KCNK1: variants seen among roughly 807,000 people sequenced by gnomAD.
KCNK1 encodes the protein potassium two pore domain channel subfamily K member 1, also known as potassium channel subfamily K member 1.
A neutral mutation model predicts 22.2 loss-of-function variants in KCNK1; 10 were observed. That is an observed-to-expected ratio of 0.45 (90% CI 0.28 to 0.76). KCNK1 has a LOEUF of 0.76. Among genes scored for constraint, KCNK1 ranks in the 30% least tolerant of loss-of-function variants. The pLI is 0.14. For synonymous variants in KCNK1, 200 were observed against 186.4 expected (o/e 1.07, Z -0.60); for missense variants, 378 against 421.0 (o/e 0.90, Z 0.89).
chr1:233,621,436 A>G (rs1038101975), intron 1 of KCNK1, among the ~76,000 whole-genome samples: 1 of 152,234 alleles, frequency 6.6e-6, no homozygotes, highest in African/African-American at 2.4e-5. Flanking sequence ...AACCCATACA[A>G]ATAGTGGAGG....
rs955630415 is a variant in KCNK1, at chr1:233,672,483, C to G, written c.*953C>G. On this transcript the variant is annotated 3_prime_UTR_variant, in exon 3 of 3. Transcript: ENST00000366621. The stretch of plus-strand genomic sequence containing the variant: ...AATCTGAGAATTTTAAATTTAGAAG[C>G]TAAAATAAATAAAAATCACAGCTGG... The G allele has an allele frequency of 6.7e-6, 1 of 150,014 alleles. No individual in the cohort carries two copies. Among genetic ancestry groups the G allele is most frequent in the Non-Finnish European group, 1.5e-5 (1 of 67,600 alleles). 9.3% of individuals were successfully genotyped at this position (150,014 alleles called of 1,614,324 possible). A position where few individuals can be genotyped will look rare whatever the true frequency, so the allele number is the denominator to read the frequency against.
At chr1:233,648,470 AT>A (rs963926567) in intron 1 of KCNK1, among the ~76,000 whole-genome samples, 4 of 149,740 alleles carry the variant, frequency 2.7e-5, no homozygotes, top group Non-Finnish European at 3.0e-5. Context: ...ATGTCAGTAC[AT>A]TTTTTTTTTA....
chr1:233,625,119 A>T (rs61824272), intron 1 of KCNK1, among the ~76,000 whole-genome samples: 5,347 of 152,368 alleles, frequency 0.035, 115 homozygotes, highest in Non-Finnish European at 0.047. Flanking sequence ...AGGGGAAACC[A>T]TTCACTTTTA....
At chr1:233,668,826 C>T (rs934416085) in intron 2 of KCNK1, among the ~76,000 whole-genome samples, 39 of 152,166 alleles carry the variant, frequency 2.6e-4, no homozygotes, top group African/African-American at 9.2e-4. Flanking sequence ...AGGCTAGTCA[C>T]GAACTCCTGA....
At chr1:233,622,860 C>G (rs1344233530) in intron 1 of KCNK1, among the ~76,000 whole-genome samples, 4 of 152,090 alleles carry the variant, frequency 2.6e-5, no homozygotes, top group Non-Finnish European at 4.4e-5. Context: ...AATTTGCTAC[C>G]GTCTGCTTGA....
In KCNK1 at chr1:233,614,353, G is replaced by T. The variant is rs1180402757; in HGVS notation, c.182G>T (p.Arg61Leu). The change falls in exon 1 of 3, where the codon CGA (arginine) becomes CTA (leucine). Residue 61 changes from arginine to leucine, a missense_variant. Transcript: ENST00000366621. ...LLRQELRKLKRRFLEEHECLS... is the reference protein window; with the variant it reads ...LLRQELRKLKLRFLEEHECLS... The stretch of plus-strand genomic sequence containing the variant: ...CGCCAGGAGCTGCGCAAGCTGAAGC[G>T]ACGCTTCTTGGAGGAGCACGAGTGC... 1.2e-6 allele frequency: 2 copies of T among 1,611,338 alleles called. No homozygotes were observed. The highest frequency in any genetic ancestry group is 2.7e-5 in the African/African-American group (2 of 74,892).
intron 1 of KCNK1, 135 bp downstream of exon 1, chr1:233,614,661 C>T (rs1657452285): frequency 2.9e-6 from 2 of 687,984 alleles, no homozygotes; most frequent in Non-Finnish European, 4.8e-6. Context: ...TCCTCCAGCC[C>T]GCCTCCCCTC....
At chr1:233,651,566 GA>G (rs1313472937) in intron 1 of KCNK1, among the ~76,000 whole-genome samples, 1 of 152,164 alleles carries the variant, frequency 6.6e-6, no homozygotes. Flanking sequence ...AAGAAAGTGA[GA>G]GGGGAAAATA....
intron 1 of KCNK1, among the ~76,000 whole-genome samples, chr1:233,632,626 C>T (rs867083704): frequency 3.1e-4 from 47 of 152,118 alleles, no homozygotes; most frequent in African/African-American, 8.9e-4. Context: ...GGCTACCACT[C>T]GGTGACCACA....
intron 1 of KCNK1, among the ~76,000 whole-genome samples, chr1:233,646,853 T>C (rs889723994): frequency 2.0e-5 from 3 of 152,222 alleles, no homozygotes; most frequent in African/African-American, 7.2e-5. Context: ...TTTGTGAAGA[T>C]AGAAGCCACT....
intron 1 of KCNK1, among the ~76,000 whole-genome samples, chr1:233,627,793 A>C (rs566722): frequency 0.78 from 118,029 of 152,102 alleles, 46,044 homozygotes; most frequent in East Asian, 0.86. Flanking sequence ...AGGAAAAAAA[A>C]CTAAAATTTT....
intron 1 of KCNK1, among the ~76,000 whole-genome samples, chr1:233,623,125 A>C (rs1303206236): frequency 6.6e-6 from 1 of 152,202 alleles, no homozygotes; most frequent in Non-Finnish European, 1.5e-5. Flanking sequence ...AAAAAAAGTT[A>C]ATCTCAAACA....
chr1:233,626,522 C>T (rs1657692552), intron 1 of KCNK1, among the ~76,000 whole-genome samples: 1 of 152,114 alleles, frequency 6.6e-6, no homozygotes, highest in African/African-American at 2.4e-5. Flanking sequence ...CATGTTGTAT[C>T]ACACACATCG....
intron 1 of KCNK1, among the ~76,000 whole-genome samples, chr1:233,628,604 T>C (rs1254891418): frequency 1.3e-5 from 2 of 151,854 alleles, no homozygotes; most frequent in African/African-American, 2.4e-5. Flanking sequence ...CTACTAAAAT[T>C]CAAAAATTAG....
At position 233,623,885 on chromosome 1, in the gene KCNK1, C is replaced by G. The variant is rs187670911; in HGVS notation, c.355+9359C>G. ...TTACAGGTAGCGTGAGCCACCGCAC[C>G]TTGCCAAAAAAGCTTTCTTTAAAAA... On this transcript the variant is annotated intron_variant, in intron 1 of 2. Coordinates refer to ENST00000366621, the MANE Select transcript of KCNK1 (RefSeq NM_002245.4). Among the ~76,000 whole-genome samples the G allele has an allele frequency of 2.5e-3, 385 of 152,220 alleles. 2 individuals are homozygous for G. Among genetic ancestry groups the G allele is most frequent in the African/African-American group, 8.7e-3 (363 of 41,518 alleles).
Position 233,666,733 on chromosome 1 carries a change from T to A in KCNK1, c.494T>A (p.Val165Asp). The stretch of plus-strand genomic sequence containing the variant: ...ACCGTGCACGTCACCCGCAGGCCGG[T>A]CCTCTACTTCCACATCCGCTGGGGC... ...RITVHVTRRPVLYFHIRWGFS... is the reference protein window; with the variant it reads ...RITVHVTRRPDLYFHIRWGFS... Residue 165 changes from valine to aspartate, a missense_variant, in exon 2 of 3, where the codon GTC becomes GAC. Coordinates refer to ENST00000366621, the MANE Select transcript of KCNK1 (RefSeq NM_002245.4). The A allele has an allele frequency of 6.2e-7, 1 of 1,614,148 alleles. No individual in the cohort carries two copies. The highest frequency in any genetic ancestry group is 8.5e-7 in the Non-Finnish European group (1 of 1,180,038).
At chr1:233,643,174 A>T (rs964866181) in intron 1 of KCNK1, among the ~76,000 whole-genome samples, 1 of 152,102 alleles carries the variant, frequency 6.6e-6, no homozygotes, top group African/African-American at 2.4e-5. Flanking sequence ...GGAGCTTGCT[A>T]GTTCAGTCAT....
Position 233,614,196 on chromosome 1 carries a change from T to TG in KCNK1, c.25_26insG (p.Ser9CysfsTer41), listed in dbSNP as rs1657438138. 1 of 1,607,180 alleles carries TG rather than the reference T, an allele frequency of 6.2e-7. No individual in the cohort carries two copies. Among genetic ancestry groups the TG allele is most frequent in the African/African-American group, 1.3e-5 (1 of 74,812 alleles). ...GATGCTGCAGTCCCTGGCCGGCAGC[T>TG]CGTGCGTGCGCCTGGTGGAGCGGCA... On this transcript the variant is annotated frameshift_variant, in exon 1 of 3. Transcript: ENST00000366621. LOFTEE classifies it high-confidence loss of function.
chr1:233,619,961 G>C (rs926570085), intron 1 of KCNK1, among the ~76,000 whole-genome samples: 4 of 151,972 alleles, frequency 2.6e-5, no homozygotes, highest in African/African-American at 9.7e-5. Context: ...AGAGTAGAAC[G>C]AAGTGGGCGA....
Sources: gnomAD v4.1 joint callset for allele counts (sites outside exome capture counted in the v4.1 genomes callset) on GRCh38, gnomAD v4.1.1 for gene constraint, MANE v1.5 for transcripts, NCBI Gene and HGNC (gene_info 2026-07-23, HGNC 2026-07-21) for gene names.